LONP2: variants seen among roughly 807,000 people sequenced by gnomAD.
LONP2 encodes the protein lon protease homolog 2, peroxisomal.
Under a neutral mutation model 85.6 loss-of-function variants are expected in LONP2, and 60 were observed. The observed-to-expected ratio is 0.70, with a 90% confidence interval of 0.57 to 0.87. The LOEUF is 0.87. Among genes scored for constraint, LONP2 ranks in the 40% least tolerant of loss-of-function variants. The pLI is 0.00. For missense variants in LONP2, 860 were observed against 1,063.5 expected, an observed-to-expected ratio of 0.81 and a Z score of 2.66; for synonymous variants, 395 against 389.7, an observed-to-expected ratio of 1.01 and a Z score of -0.16.
Position 48,320,552 on chromosome 16 carries a change from A to G in LONP2, c.1796-13664A>G, listed in dbSNP as rs1023208146. Among the ~76,000 whole-genome samples, 3 of 152,140 alleles carry G rather than the reference A, an allele frequency of 2.0e-5. No homozygotes were observed. In the East Asian group the frequency reaches 5.8e-4, roughly 29 times the overall value. The stretch of plus-strand genomic sequence containing the variant: ...TTAAAAAAAAAAAATAGATCTAGAG[A>G]GTAACACTTTCTGTGCTAAATCCAT... On this transcript the variant is annotated intron_variant, in intron 11 of 14. Transcript: ENST00000285737.
chr16:48,336,030 G>A (rs753542308), intron 12 of LONP2, among the ~76,000 whole-genome samples: 9 of 152,196 alleles, frequency 5.9e-5, no homozygotes, highest in African/African-American at 2.2e-4. Context: ...TTTGACTCCT[G>A]CATGGCCGAT....
At chr16:48,342,219 A>G (rs1049217099) in intron 12 of LONP2, among the ~76,000 whole-genome samples, 2 of 152,176 alleles carry the variant, frequency 1.3e-5, no homozygotes, top group Non-Finnish European at 2.9e-5. Context: ...GCCCTTGTCT[A>G]AAGGTTACTG....
chr16:48,272,030 G>A (rs1232359362), intron 7 of LONP2, among the ~76,000 whole-genome samples: 2 of 152,168 alleles, frequency 1.3e-5, no homozygotes, highest in Admixed American at 1.3e-4. Flanking sequence ...TTAATGCTAT[G>A]TGAAATTGAC....
chr16:48,288,628 C>A (rs1214898611), intron 8 of LONP2, among the ~76,000 whole-genome samples: 1 of 152,068 alleles, frequency 6.6e-6, no homozygotes, highest in Non-Finnish European at 1.5e-5. Flanking sequence ...TACAGACAAC[C>A]GACTTGTGGC....
At chr16:48,266,331 T>G (rs1231081878) in intron 6 of LONP2, among the ~76,000 whole-genome samples, 1 of 152,072 alleles carries the variant, frequency 6.6e-6, no homozygotes, top group Non-Finnish European at 1.5e-5. Flanking sequence ...AGAAAGGTTT[T>G]TTTTTTTTTT....
chr16:48,247,675 A>G (rs1971485613), intron 1 of LONP2: 1 of 152,220 alleles, frequency 6.6e-6, no homozygotes, highest in African/African-American at 2.4e-5. Flanking sequence ...GTGCTTCCTG[A>G]GTGACCCATT....
At chr16:48,332,973 C>T (rs371953516) in intron 11 of LONP2, among the ~76,000 whole-genome samples, 19 of 151,912 alleles carry the variant, frequency 1.3e-4, no homozygotes, top group East Asian at 9.7e-4. Context: ...TATTAATATA[C>T]GAAGCAATCA....
chr16:48,351,415 ACTT>A (rs1960141866), intron 14 of LONP2, among the ~76,000 whole-genome samples, 163 bp from the exon 15 acceptor site: 2 of 152,202 alleles, frequency 1.3e-5, no homozygotes, highest in African/African-American at 4.8e-5. Flanking sequence ...AAAGGTTACT[ACTT>A]ATCCTTTTTC....
chr16:48,282,410 C>CAAAAA (rs773913986), intron 8 of LONP2, among the ~76,000 whole-genome samples: 1 of 83,816 alleles, frequency 1.2e-5, no homozygotes, highest in African/African-American at 4.0e-5. Context: ...GACTCTGTCT[C>CAAAAA]AAAAAAAAAA....
rs2151035768 is a variant in LONP2, at chr16:48,351,564, T to G, written c.2338-17T>G. Reference sequence around the variant, plus strand: ...AGGGTGATCATTAACCCTAAAAACTTTTTTCTCTCCTTACAGGTGGGTGGA... The same window carrying G: ...AGGGTGATCATTAACCCTAAAAACTGTTTTCTCTCCTTACAGGTGGGTGGA... On this transcript the variant is annotated splice_polypyrimidine_tract_variant and intron_variant, in intron 14 of 14. Transcript: ENST00000285737. The G allele has an allele frequency of 6.2e-7, 1 of 1,607,658 alleles. No homozygotes were observed. The highest frequency in any genetic ancestry group is 1.3e-5 in the African/African-American group (1 of 74,590).
chr16:48,354,087 GT>G lies in LONP2; in HGVS notation c.*2286del, dbSNP rs1323179077. On this transcript the variant is annotated 3_prime_UTR_variant, in exon 15 of 15. Transcript: ENST00000285737. ...CCTGGGTTTTTTTTTTTTGGGGGGGGTGGGGGGTTAGGGGTGGGGCGGGTGG... is the reference window on the plus strand; with the variant it reads ...CCTGGGTTTTTTTTTTTTGGGGGGGGGGGGGGTTAGGGGTGGGGCGGGTGG... 3.1e-5 allele frequency: 4 copies of G among 128,874 alleles called. No individual in the cohort carries two copies. Among genetic ancestry groups the G allele is most frequent in the Non-Finnish European group, 4.9e-5 (3 of 61,202 alleles). The allele number at this position is 128,874 out of a possible 1,614,324, so 8.0% of individuals were successfully genotyped here.
intron 11 of LONP2, among the ~76,000 whole-genome samples, chr16:48,314,527 A>G (rs1973101480): frequency 6.6e-6 from 1 of 152,124 alleles, no homozygotes; most frequent in Non-Finnish European, 1.5e-5. Context: ...TTTTCTGCAT[A>G]TGGCTAGCCA....
At position 48,351,562 on chromosome 16, in the gene LONP2, C is replaced by CT. The variant is rs761131894; in HGVS notation, c.2338-13dup. The CT allele has an allele frequency of 3.1e-6, 5 of 1,606,986 alleles. No homozygotes were observed. Among genetic ancestry groups the CT allele is most frequent in the African/African-American group, 1.3e-5 (1 of 74,462 alleles). Reference sequence around the variant, plus strand: ...TGAGGGTGATCATTAACCCTAAAAACTTTTTTCTCTCCTTACAGGTGGGTG... The same window carrying CT: ...TGAGGGTGATCATTAACCCTAAAAACTTTTTTTCTCTCCTTACAGGTGGGTG... On this transcript the variant is annotated intron_variant, in intron 14 of 14. Coordinates refer to ENST00000285737, the MANE Select transcript of LONP2 (RefSeq NM_031490.5).
rs975615378 is a variant in LONP2, at chr16:48,277,256, A to G, written c.1242-82A>G. ...AGTGATAGCTAAATGATCTTTTCAC[A>G]TTCCTAAGTTTTGATTTCTGAATGG... On this transcript the variant is annotated intron_variant, in intron 7 of 14. Transcript: ENST00000285737. 1.0e-5 allele frequency: 14 copies of G among 1,370,448 alleles called. No homozygotes were observed. In the South Asian group the frequency reaches 1.7e-4, roughly 17 times the overall value. 84.9% of individuals were successfully genotyped at this position (1,370,448 alleles called of 1,614,324 possible).
chr16:48,314,776 G>A (rs1018956246), intron 11 of LONP2, among the ~76,000 whole-genome samples: 4 of 151,874 alleles, frequency 2.6e-5, no homozygotes, highest in Non-Finnish European at 5.9e-5. Context: ...GTATATTATT[G>A]TAAATAACGT....
intron 1 of LONP2, among the ~76,000 whole-genome samples, chr16:48,247,058 C>T (rs554760413): frequency 2.8e-3 from 424 of 152,228 alleles, no homozygotes; most frequent in Non-Finnish European, 2.7e-3. Context: ...GAAAAGTCTT[C>T]ATAGAAGTCC....
At chr16:48,336,320 A>G (rs1472304209) in intron 12 of LONP2, 2 of 455,908 alleles carry the variant, frequency 4.4e-6, no homozygotes, top group African/African-American at 4.0e-5. Flanking sequence ...GTAGCATGTG[A>G]GCTTTAACAT....
In LONP2 at chr16:48,256,593, T is replaced by G; in HGVS notation, c.469-17T>G. 1 of 1,606,488 alleles carries G rather than the reference T, an allele frequency of 6.2e-7. No homozygotes were observed. Among genetic ancestry groups the G allele is most frequent in the Non-Finnish European group, 8.5e-7 (1 of 1,177,990 alleles). On this transcript the variant is annotated splice_polypyrimidine_tract_variant and intron_variant, in intron 2 of 14. Transcript: ENST00000285737. ...AATGCCAGATTTCATTTAAAAGACT[T>G]TTTTTCCCCCTTCTAGTTGGTTGAA...
At chr16:48,357,909 T>C (rs1960436382), downstream of LONP2, among the ~76,000 whole-genome samples, 1 of 152,152 alleles carries the variant, frequency 6.6e-6, no homozygotes, top group Non-Finnish European at 1.5e-5. Context: ...TGGCCCATGA[T>C]TAAATAGGAC....
Sources: gnomAD v4.1 joint callset for allele counts (sites outside exome capture counted in the v4.1 genomes callset) on GRCh38, gnomAD v4.1.1 for gene constraint, MANE v1.5 for transcripts, NCBI Gene and HGNC (gene_info 2026-07-23, HGNC 2026-07-21) for gene names.